The following GRM7 variants were observed in gnomAD, a reference collection of about 807,000 sequenced individuals.
The protein encoded by GRM7 is metabotropic glutamate receptor 7.
Under a neutral mutation model 84.5 loss-of-function variants are expected in GRM7, and 35 were observed. That is an observed-to-expected ratio of 0.41 (90% CI 0.32 to 0.55). GRM7 has a LOEUF of 0.55. Among genes scored for constraint, GRM7 ranks in the 20% least tolerant of loss-of-function variants. The pLI is 0.19. For missense variants in GRM7, 1,003 were observed against 1,194.6 expected (o/e 0.84, Z 2.36); for synonymous variants, 487 against 455.1 (o/e 1.07, Z -0.89).
rs533896356 is a variant in GRM7 at position 6,906,583 on chromosome 3, A to G, written c.519+44676A>G. 2.2e-4 allele frequency among the ~76,000 whole-genome samples: 34 copies of G among 152,258 alleles called. No homozygotes were observed. The South Asian group carries it at 7.0e-3, about 32-fold the overall frequency. On this transcript the variant is annotated intron_variant, in intron 1 of 9. Transcript: ENST00000357716. Reference sequence around the variant, plus strand: ...AAATAATTGAAGGGAATAGAAATGAATATTACATCTTAGATCACATAGACT... The same window carrying G: ...AAATAATTGAAGGGAATAGAAATGAGTATTACATCTTAGATCACATAGACT...
intron 1 of GRM7, among the ~76,000 whole-genome samples, chr3:6,985,376 CT>C (rs1280203407): frequency 1.3e-5 from 2 of 152,080 alleles, no homozygotes; most frequent in African/African-American, 4.8e-5. Flanking sequence ...TTCCCAGCCT[CT>C]GGTAATCATT....
intron 8 of GRM7, among the ~76,000 whole-genome samples, chr3:7,672,656 G>T (rs986931928): frequency 6.7e-6 from 1 of 148,888 alleles, no homozygotes; most frequent in Non-Finnish European, 1.5e-5. Context: ...CCAGGCTGGA[G>T]TGCAGTGGTG....
At chr3:7,081,785 T>C (rs1199123768) in intron 1 of GRM7, among the ~76,000 whole-genome samples, 1 of 152,136 alleles carries the variant, frequency 6.6e-6, no homozygotes, top group Non-Finnish European at 1.5e-5. Context: ...AACTGCTTTA[T>C]TGCTGAAATG....
At chr3:7,065,867 T>C (rs1296164107) in intron 1 of GRM7, among the ~76,000 whole-genome samples, 2 of 151,712 alleles carry the variant, frequency 1.3e-5, no homozygotes, top group East Asian at 3.9e-4. Context: ...GGAAATCAAC[T>C]CTAAAAGGAA....
chr3:7,006,968 T>A (rs1185120136), intron 1 of GRM7, among the ~76,000 whole-genome samples: 1 of 152,222 alleles, frequency 6.6e-6, no homozygotes, highest in Non-Finnish European at 1.5e-5. Context: ...TCAATGAGTA[T>A]AAAAGGATAT....
At chr3:7,085,994 C>T (rs1698445548) in intron 1 of GRM7, among the ~76,000 whole-genome samples, 1 of 152,122 alleles carries the variant, frequency 6.6e-6, no homozygotes, top group South Asian at 2.1e-4. Flanking sequence ...AATGACTTGG[C>T]TTTGGGTTGA....
At chr3:7,335,097 A>G (rs1416041297) in intron 4 of GRM7, among the ~76,000 whole-genome samples, 2 of 152,130 alleles carry the variant, frequency 1.3e-5, no homozygotes, top group South Asian at 2.1e-4. Context: ...CTACTCAACA[A>G]CTATAGAATA....
chr3:7,266,954 G>A (rs1291659709), intron 2 of GRM7, among the ~76,000 whole-genome samples: 9 of 152,258 alleles, frequency 5.9e-5, no homozygotes, highest in East Asian at 1.9e-4. Context: ...ACCTCTTAGC[G>A]TCTTAAAGGG....
chr3:7,468,531 T>C (rs573296636), intron 7 of GRM7, among the ~76,000 whole-genome samples: 30 of 152,286 alleles, frequency 2.0e-4, no homozygotes, highest in Non-Finnish European at 2.8e-4. Context: ...TAGTAAATGT[T>C]CAGCAAATGT....
intron 1 of GRM7, among the ~76,000 whole-genome samples, chr3:7,117,079 G>A (rs182774196): frequency 5.3e-5 from 8 of 152,206 alleles, no homozygotes; most frequent in African/African-American, 9.6e-5. Context: ...TTCATCACAC[G>A]CCAAGTAAAG....
chr3:7,352,073 A>G (rs1265420869), intron 4 of GRM7, among the ~76,000 whole-genome samples: 1 of 149,448 alleles, frequency 6.7e-6, no homozygotes, highest in Non-Finnish European at 1.5e-5. Flanking sequence ...ACACACACAC[A>G]CACACACACA....
intron 8 of GRM7, among the ~76,000 whole-genome samples, chr3:7,644,019 TAC>T (rs944810085): frequency 7.9e-5 from 7 of 88,954 alleles, no homozygotes; most frequent in Admixed American, 1.1e-4. Context: ...TATATATATA[TAC>T]ACACACACAC....
chr3:7,179,682 C>G (rs1332821437), intron 2 of GRM7, among the ~76,000 whole-genome samples: 1 of 152,174 alleles, frequency 6.6e-6, no homozygotes, highest in African/African-American at 2.4e-5. Flanking sequence ...CTACTTGATT[C>G]ATTCAGCTTG....
At chr3:7,319,663 C>T (rs1700703292) in intron 4 of GRM7, among the ~76,000 whole-genome samples, 1 of 151,968 alleles carries the variant, frequency 6.6e-6, no homozygotes, top group African/African-American at 2.4e-5. Flanking sequence ...TTAGGTTCAG[C>T]CTGCCTGATA....
intron 4 of GRM7, among the ~76,000 whole-genome samples, chr3:7,380,341 C>G (rs905375124): frequency 7.7e-6 from 1 of 129,470 alleles, no homozygotes; most frequent in Non-Finnish European, 1.6e-5. Context: ...AAGTTATCCT[C>G]TGCGCATCAT....
intron 1 of GRM7, among the ~76,000 whole-genome samples, chr3:7,114,146 G>A (rs1424792759): frequency 6.6e-6 from 1 of 152,132 alleles, no homozygotes; most frequent in African/African-American, 2.4e-5. Context: ...TGGGGAAAAC[G>A]TGTAAGTTCA....
At chr3:7,268,355 C>T (rs1202275588) in intron 2 of GRM7, among the ~76,000 whole-genome samples, 1 of 151,396 alleles carries the variant, frequency 6.6e-6, no homozygotes, top group African/African-American at 2.4e-5. Context: ...CCTCGTGAAG[C>T]TGAGGTGGAA....
intron 1 of GRM7, among the ~76,000 whole-genome samples, chr3:6,904,896 T>C (rs1355677230): frequency 1.3e-5 from 2 of 152,070 alleles, no homozygotes; most frequent in East Asian, 3.9e-4. Context: ...AATTTGTGTA[T>C]TTTTTCTGTA....
At chr3:7,665,338 A>AT (rs374326190) in intron 8 of GRM7, among the ~76,000 whole-genome samples, 4,256 of 148,176 alleles carry the variant, frequency 0.029, 192 homozygotes, top group African/African-American at 0.098. Flanking sequence ...CACCCGGCTA[A>AT]TTTTTTTTTT....
Sources: gnomAD v4.1 joint callset for allele counts (sites outside exome capture counted in the v4.1 genomes callset) on GRCh38, gnomAD v4.1.1 for gene constraint, MANE v1.5 for transcripts, NCBI Gene and HGNC (gene_info 2026-07-23, HGNC 2026-07-21) for gene names.